STK33: variants seen among roughly 807,000 people sequenced by gnomAD.
STK33 encodes serine/threonine kinase 33, also known as serine/threonine-protein kinase 33.
Under a neutral mutation model 58.0 loss-of-function variants are expected in STK33, and 52 were observed. That is an observed-to-expected ratio of 0.90 (90% CI 0.72 to 1.13). The LOEUF is 1.13. Ranked by LOEUF, STK33 falls within the 50% of genes most tolerant of loss-of-function variation. The probability of loss-of-function intolerance (pLI) is 0.00; values close to 1 mark genes in which losing one functional copy is unlikely to be tolerated. For synonymous variants in STK33, 215 were observed against 200.1 expected, an observed-to-expected ratio of 1.07 and a Z score of -0.63; for missense variants, 630 against 604.2, an observed-to-expected ratio of 1.04 and a Z score of -0.45.
chr11:8,407,307 C>T (rs567226762), intron 15 of STK33, among the ~76,000 whole-genome samples: 4 of 152,034 alleles, frequency 2.6e-5, no homozygotes, highest in Admixed American at 6.5e-5. Flanking sequence ...TAATAATTTT[C>T]TTGTAACATC....
At chr11:8,336,720 A>C in the STK33 span, among the ~76,000 whole-genome samples, 1 of 152,248 alleles carries the variant, frequency 6.6e-6, no homozygotes. Flanking sequence ...AAGCGGATAA[A>C]TTGGATCTGT....
intron 1 of STK33, among the ~76,000 whole-genome samples, chr11:8,590,615 A>G (rs946745608): frequency 6.6e-6 from 1 of 152,218 alleles, no homozygotes; most frequent in African/African-American, 2.4e-5. Flanking sequence ...CTCACCTTGT[A>G]AACTTTTTAA....
the STK33 span, among the ~76,000 whole-genome samples, chr11:8,337,689 C>A: frequency 6.6e-6 from 1 of 151,934 alleles, no homozygotes; most frequent in Non-Finnish European, 1.5e-5. Flanking sequence ...ACTTCCTGTG[C>A]CTCCCACCGT....
At position 8,594,162 on chromosome 11, in the gene STK33, G is replaced by T. The variant is rs1259035326; in HGVS notation, c.-545C>A. 1 of 152,316 alleles carries T rather than the reference G, an allele frequency of 6.6e-6. No individual in the cohort carries two copies. The highest frequency in any genetic ancestry group is 2.4e-5 in the African/African-American group (1 of 41,472). 9.4% of individuals were successfully genotyped at this position (152,316 alleles called of 1,614,324 possible). On this transcript the variant is annotated 5_prime_UTR_variant, in exon 1 of 16. Coordinates refer to ENST00000687296, the MANE Select transcript of STK33 (RefSeq NM_001352389.2). ...TCGCTGAGCCCGGAATTCTGCACCGGGAGAAACTTTTCAGCCCGCAGAGCA... is the reference window on the plus strand; with the variant it reads ...TCGCTGAGCCCGGAATTCTGCACCGTGAGAAACTTTTCAGCCCGCAGAGCA...
At chr11:8,391,588 T>C (rs138667021), downstream of STK33, among the ~76,000 whole-genome samples, 45 of 152,330 alleles carry the variant, frequency 3.0e-4, no homozygotes, top group African/African-American at 1.0e-3. Context: ...TATGACTTTA[T>C]GAAGGTAAAA....
At chr11:8,381,608 C>T in the STK33 span, among the ~76,000 whole-genome samples, 1 of 152,112 alleles carries the variant, frequency 6.6e-6, no homozygotes, top group Admixed American at 6.5e-5. Context: ...CACTTGTAGC[C>T]GACACCCCAC....
At chr11:8,476,179 A>G (rs1949254802) in intron 4 of STK33, among the ~76,000 whole-genome samples, 3 of 152,126 alleles carry the variant, frequency 2.0e-5, no homozygotes, top group Admixed American at 6.5e-5. Flanking sequence ...TTAACATCCT[A>G]CATTTCCGGG....
chr11:8,448,420 G>A (rs1282184756), intron 11 of STK33, among the ~76,000 whole-genome samples: 1 of 152,144 alleles, frequency 6.6e-6, no homozygotes, highest in East Asian at 1.9e-4. Context: ...GCATGGTACT[G>A]GTCCCAAAAT....
the STK33 span, among the ~76,000 whole-genome samples, chr11:8,335,806 C>T: frequency 1.3e-5 from 2 of 152,288 alleles, no homozygotes; most frequent in African/African-American, 4.8e-5. Flanking sequence ...AGATATTTTA[C>T]ATTCTTCTAT....
the STK33 span, among the ~76,000 whole-genome samples, chr11:8,349,107 C>T: frequency 2.0e-5 from 3 of 152,176 alleles, no homozygotes; most frequent in South Asian, 6.2e-4. Flanking sequence ...TGTTCTCTGG[C>T]TGATCCCACG....
the STK33 span, among the ~76,000 whole-genome samples, chr11:8,358,689 G>C: frequency 6.6e-6 from 1 of 152,122 alleles, no homozygotes; most frequent in Non-Finnish European, 1.5e-5. Context: ...GGCCAAATCT[G>C]GGGCAACGTG....
At position 8,435,352 on chromosome 11, in the gene STK33, T is replaced by C. The variant is rs1943935521; in HGVS notation, c.1146+142A>G. 2 of 414,750 alleles carry C rather than the reference T, an allele frequency of 4.8e-6. 1 individual carries two copies. Among genetic ancestry groups the C allele is most frequent in the Non-Finnish European group, 8.3e-6 (2 of 241,746 alleles). The allele number at this position is 414,750 out of a possible 1,614,324, so 25.7% of individuals were successfully genotyped here. A position where few individuals can be genotyped will look rare whatever the true frequency, so the allele number is the denominator to read the frequency against. ...TTGAAAATGCCCATTTTCAGAAATT[T>C]GTCAAGACTCAATGTTTTTTAATTT... On this transcript the variant is annotated intron_variant, in intron 14 of 15. Transcript: ENST00000687296.
At chr11:8,553,201 GTATATATATA>G (rs60137762) in intron 1 of STK33, among the ~76,000 whole-genome samples, 1 of 61,134 alleles carries the variant, frequency 1.6e-5, no homozygotes, top group African/African-American at 8.1e-5. Flanking sequence ...TATATATGGT[GTATATATATA>G]TATATATATA....
chr11:8,439,291 C>A (rs1944425684), intron 12 of STK33, among the ~76,000 whole-genome samples: 1 of 151,990 alleles, frequency 6.6e-6, no homozygotes, highest in African/African-American at 2.4e-5. Flanking sequence ...GAATTTAGAA[C>A]AAGGAAAACA....
At chr11:8,442,735 T>C (rs1944922263) in intron 11 of STK33, among the ~76,000 whole-genome samples, 1 of 152,178 alleles carries the variant, frequency 6.6e-6, no homozygotes, top group Non-Finnish European at 1.5e-5. Flanking sequence ...TTCAAAACTT[T>C]ATGCATCTAG....
intron 1 of STK33, among the ~76,000 whole-genome samples, chr11:8,585,219 A>G (rs1432983040): frequency 2.9e-5 from 3 of 103,794 alleles, no homozygotes; most frequent in Non-Finnish European, 3.9e-5. Flanking sequence ...CACTGCACCC[A>G]GCATTTTTTT....
chr11:8,501,309 T>G (rs755521500), intron 1 of STK33, among the ~76,000 whole-genome samples: 9 of 152,032 alleles, frequency 5.9e-5, no homozygotes, highest in Non-Finnish European at 1.2e-4. Context: ...GGGCCTACTA[T>G]CAAGAACATG....
rs1564834626 is a variant in STK33, at chr11:8,392,716, A to C, written c.1345-6T>G. On this transcript the variant is annotated splice_polypyrimidine_tract_variant and splice_region_variant and intron_variant, in intron 15 of 15. Transcript: ENST00000687296. Reference sequence around the variant, plus strand: ...TGCTTTTCATAAGCAGTAGACTGCAAATAAAAGGTCTTGATTAATTTTCAG... The same window carrying C: ...TGCTTTTCATAAGCAGTAGACTGCACATAAAAGGTCTTGATTAATTTTCAG... 3 of 1,613,886 alleles carry C rather than the reference A, an allele frequency of 1.9e-6. No individual in the cohort carries two copies. Among genetic ancestry groups the C allele is most frequent in the Non-Finnish European group, 2.5e-6 (3 of 1,179,900 alleles).
intron 1 of STK33, among the ~76,000 whole-genome samples, chr11:8,583,708 C>A (rs377207309): frequency 1.4e-4 from 22 of 152,174 alleles, no homozygotes; most frequent in African/African-American, 5.3e-4. Context: ...AGAGAATAAT[C>A]ATATCCTCTG....
Sources: allele counts gnomAD v4.1 joint callset (sites outside exome capture counted in the v4.1 genomes callset), GRCh38; gene constraint gnomAD v4.1.1; transcripts MANE v1.5; gene names NCBI Gene and HGNC (gene_info 2026-07-23, HGNC 2026-07-21).